Variants in SYT16 observed in about 807,000 individuals in gnomAD.
The protein encoded by SYT16 is synaptotagmin-16.
SYT16 carries 42 observed loss-of-function variants against 61.4 expected under a neutral mutation model. The ratio of observed to expected loss-of-function variants is 0.68; its 90% CI spans 0.53 to 0.89. The LOEUF (loss-of-function observed/expected upper bound fraction) is 0.89. Among genes scored for constraint, SYT16 ranks in the 40% least tolerant of loss-of-function variants. SYT16 has a pLI of 0.00. For synonymous variants in SYT16, 314 were observed against 302.3 expected, an observed-to-expected ratio of 1.04 and a Z score of -0.40; for missense variants, 804 against 807.3, an observed-to-expected ratio of 1.00 and a Z score of 0.05.
Position 62,054,261 on chromosome 14 carries a change from C to G in SYT16, c.524-15342C>G, listed in dbSNP as rs187523226. 3.8e-3 allele frequency among the ~76,000 whole-genome samples: 560 copies of G among 149,178 alleles called. 4 individuals are homozygous for G. The highest frequency in any genetic ancestry group is 0.021 in the Middle Eastern group (6 of 280). ...AGGGAATCATTTGGGGGCTGCTATTCTAGTATAAGCATACCACCACCAAAT... is the reference window on the plus strand; with the variant it reads ...AGGGAATCATTTGGGGGCTGCTATTGTAGTATAAGCATACCACCACCAAAT... On this transcript the variant is annotated intron_variant, in intron 3 of 7. Transcript: ENST00000683842.
intron 1 of SYT16, among the ~76,000 whole-genome samples, chr14:61,942,488 A>G (rs1257633803): frequency 6.6e-6 from 1 of 152,224 alleles, no homozygotes; most frequent in Non-Finnish European, 1.5e-5. Flanking sequence ...GGTTTAAATA[A>G]TGAAAGTTTA....
intron 1 of SYT16, among the ~76,000 whole-genome samples, chr14:61,912,511 A>G (rs1486363968): frequency 6.6e-6 from 1 of 152,188 alleles, no homozygotes. Flanking sequence ...AGCAAAGAGT[A>G]TTGAATAATG....
chr14:61,884,388 C>T (rs968421336), intron 1 of SYT16, among the ~76,000 whole-genome samples: 4 of 152,270 alleles, frequency 2.6e-5, no homozygotes, highest in East Asian at 1.9e-4. Flanking sequence ...ATTATTACGT[C>T]GCCTCCTTTC....
chr14:61,832,248 C>A, intron 1 of SYT16: 1 of 610,186 alleles, frequency 1.6e-6, no homozygotes. Context: ...ATAGTCACGT[C>A]GATCCACATA....
intron 3 of SYT16, among the ~76,000 whole-genome samples, chr14:62,008,180 T>G (rs2053300370): frequency 6.6e-6 from 1 of 152,112 alleles, no homozygotes; most frequent in African/African-American, 2.4e-5. Flanking sequence ...TCGGTAAATC[T>G]CCTTTCTTTC....
intron 1 of SYT16, among the ~76,000 whole-genome samples, chr14:61,870,111 G>T (rs1815100242): frequency 6.6e-6 from 1 of 151,700 alleles, no homozygotes. Context: ...ATTTCCATCT[G>T]GTATTATTTG....
intron 7 of SYT16, among the ~76,000 whole-genome samples, chr14:62,096,063 C>T (rs1380231804): frequency 2.0e-5 from 3 of 151,974 alleles, no homozygotes; most frequent in African/African-American, 7.2e-5. Context: ...CCCTACCTCA[C>T]ACCACATGCA....
rs1249596236 is a variant in SYT16, at chr14:62,112,466, T to C, written c.*11759T>C. On this transcript the variant is annotated 3_prime_UTR_variant, in exon 8 of 8. Transcript: ENST00000683842. The stretch of plus-strand genomic sequence containing the variant: ...ATGTCTGCTGCAACTGAATTCATGA[T>C]AGTTCATGAAAACTGAAAATCATTC... 6.6e-6 allele frequency: 1 copy of C among 152,170 alleles called. No individual in the cohort carries two copies. Among genetic ancestry groups the C allele is most frequent in the Non-Finnish European group, 1.5e-5 (1 of 68,006 alleles). 9.4% of individuals were successfully genotyped at this position (152,170 alleles called of 1,614,324 possible).
chr14:61,986,335 T>C (rs376747344), intron 2 of SYT16, among the ~76,000 whole-genome samples: 10 of 151,882 alleles, frequency 6.6e-5, no homozygotes, highest in South Asian at 2.1e-4. Flanking sequence ...ATTAATACAA[T>C]TTATAGACAT....
At chr14:61,814,109 C>T (rs1214834174) in intron 1 of SYT16, among the ~76,000 whole-genome samples, 1 of 152,168 alleles carries the variant, frequency 6.6e-6, no homozygotes, top group Non-Finnish European at 1.5e-5. Context: ...TGGTTGTCCT[C>T]TCCCTGCTGT....
intron 1 of SYT16, among the ~76,000 whole-genome samples, chr14:61,901,318 G>A (rs528762365): frequency 5.9e-5 from 9 of 152,316 alleles, no homozygotes; most frequent in South Asian, 2.1e-4. Flanking sequence ...TACAAGGCAC[G>A]TAATATGTGC....
At chr14:61,895,148 T>C (rs2048282129) in intron 1 of SYT16, among the ~76,000 whole-genome samples, 1 of 152,236 alleles carries the variant, frequency 6.6e-6, no homozygotes, top group African/African-American at 2.4e-5. Flanking sequence ...GAATCCATTG[T>C]GAACTAATGT....
At chr14:61,982,624 C>T (rs2052133348) in intron 2 of SYT16, among the ~76,000 whole-genome samples, 2 of 152,080 alleles carry the variant, frequency 1.3e-5, no homozygotes, top group African/African-American at 4.8e-5. Flanking sequence ...GGGACATAGC[C>T]AAACCATATC....
rs568121653 is a variant in SYT16, at chr14:61,967,765, C to T, written c.-324-2367C>T. Among the ~76,000 whole-genome samples, 61 of 152,238 alleles carry T rather than the reference C, an allele frequency of 4.0e-4. No individual in the cohort carries two copies. The South Asian group carries it at 0.012, about 31-fold the overall frequency. The stretch of plus-strand genomic sequence containing the variant: ...GTCACCTTCTGAGACTCATGGTGAA[C>T]ATATGTACTTGAGGCCACAGCTCAA... On this transcript the variant is annotated intron_variant, in intron 1 of 7. Coordinates refer to ENST00000683842, the MANE Select transcript of SYT16 (RefSeq NM_001367656.1).
Position 62,039,591 on chromosome 14 carries a change from A to G in SYT16, c.524-30012A>G, listed in dbSNP as rs1347869090. On this transcript the variant is annotated intron_variant, in intron 3 of 7. Transcript: ENST00000683842. ...AGACATCACAAGATGATATATATTT[A>G]TATGCTTAATGAATTTAATACATTT... Among the ~76,000 whole-genome samples the G allele has an allele frequency of 2.0e-5, 3 of 152,174 alleles. No individual in the cohort carries two copies. In the East Asian group the frequency reaches 5.8e-4, roughly 29 times the overall value.
At chr14:61,849,971 T>C (rs1283921725) in intron 1 of SYT16, among the ~76,000 whole-genome samples, 1 of 152,144 alleles carries the variant, frequency 6.6e-6, no homozygotes, top group Non-Finnish European at 1.5e-5. Context: ...CATATTTTTT[T>C]CCATAGATAT....
intron 1 of SYT16, among the ~76,000 whole-genome samples, chr14:61,915,562 T>C (rs970016489): frequency 2.0e-5 from 3 of 152,188 alleles, no homozygotes; most frequent in African/African-American, 7.2e-5. Flanking sequence ...TAATTCTTCA[T>C]TGGTTTCTTT....
At chr14:62,052,255 TATG>T (rs1205788634) in intron 3 of SYT16, among the ~76,000 whole-genome samples, 3 of 152,212 alleles carry the variant, frequency 2.0e-5, no homozygotes, top group African/African-American at 7.2e-5. Flanking sequence ...CCCACAAATG[TATG>T]ATATGTGATG....
intron 1 of SYT16, among the ~76,000 whole-genome samples, chr14:61,867,972 T>C (rs1167178436): frequency 6.6e-6 from 1 of 152,098 alleles, no homozygotes. Context: ...CATTGAGTTT[T>C]GAATGTTGAA....
Sources: allele counts gnomAD v4.1 joint callset (sites outside exome capture counted in the v4.1 genomes callset), GRCh38; gene constraint gnomAD v4.1.1; transcripts MANE v1.5; gene names NCBI Gene and HGNC (gene_info 2026-07-23, HGNC 2026-07-21).